The following CPM variants were observed in gnomAD, a reference collection of about 807,000 sequenced individuals.
CPM encodes the protein carboxypeptidase M, also known as renal carboxypeptidase.
In CPM, 35 loss-of-function variants were observed where a neutral mutation model predicts 46.4. That is an observed-to-expected ratio of 0.75 (90% CI 0.58 to 1.00). The LOEUF is 1.00. Ranked by LOEUF, CPM falls within the 50% of genes least tolerant of loss-of-function variation. The probability of loss-of-function intolerance (pLI) is 0.00; values close to 1 mark genes in which losing one functional copy is unlikely to be tolerated. For missense variants in CPM, 422 were observed against 530.4 expected, an observed-to-expected ratio of 0.80 and a Z score of 2.01; for synonymous variants, 195 against 195.3, an observed-to-expected ratio of 1.00 and a Z score of 0.01.
chr12:68,935,498 C>T (rs1342288605), upstream of CPM, among the ~76,000 whole-genome samples: 1 of 152,094 alleles, frequency 6.6e-6, no homozygotes, highest in Admixed American at 6.5e-5. Flanking sequence ...ACCATGTTGG[C>T]CAGGCTAGTC....
At chr12:68,916,906 A>AG (rs1251106781) in intron 2 of CPM, among the ~76,000 whole-genome samples, 2,361 of 142,268 alleles carry the variant, frequency 0.017, 47 homozygotes, top group African/African-American at 0.045. Flanking sequence ...AAAAAAAAAA[A>AG]AGAGAGAGAG....
chr12:68,951,678 G>A (rs1212321868), intron 1 of CPM, among the ~76,000 whole-genome samples: 1 of 152,208 alleles, frequency 6.6e-6, no homozygotes, highest in Non-Finnish European at 1.5e-5. Context: ...CCACCAGCGA[G>A]TGGGTCGTAT....
chr12:68,875,419 G>A (rs1158537856), intron 3 of CPM, among the ~76,000 whole-genome samples: 4 of 151,750 alleles, frequency 2.6e-5, no homozygotes, highest in Non-Finnish European at 5.9e-5. Flanking sequence ...CATAGTAAGG[G>A]GACATAAAAT....
chr12:68,958,292 A>G (rs1289740193), intron 1 of CPM, among the ~76,000 whole-genome samples: 2 of 152,182 alleles, frequency 1.3e-5, no homozygotes, highest in East Asian at 1.9e-4. Flanking sequence ...GGTTGAACTA[A>G]TTTACACTCC....
chr12:68,923,155 T>C (rs954074964), intron 2 of CPM, among the ~76,000 whole-genome samples: 15 of 56,772 alleles, frequency 2.6e-4, no homozygotes, highest in Non-Finnish European at 4.9e-4. Context: ...TGGTATTTGA[T>C]ATAGAGTGTG....
chr12:68,850,214 A>T (rs962613583), downstream of CPM: 2 of 147,678 alleles, frequency 1.4e-5, no homozygotes, highest in Non-Finnish European at 1.5e-5. Flanking sequence ...TGAACCTGGG[A>T]GGTGGAGGTT....
intron 7 of CPM, among the ~76,000 whole-genome samples, chr12:68,864,968 C>G (rs896683406): frequency 4.6e-5 from 7 of 152,152 alleles, no homozygotes; most frequent in African/African-American, 1.4e-4. Flanking sequence ...TGGGCAATGA[C>G]TGTGCCACTG....
At chr12:68,895,223 G>C (rs1316199101) in intron 2 of CPM, among the ~76,000 whole-genome samples, 1 of 152,000 alleles carries the variant, frequency 6.6e-6, no homozygotes, top group African/African-American at 2.4e-5. Context: ...GTGCCCTAAT[G>C]AACTCAGGCA....
chr12:68,914,757 T>A (rs562685216), intron 2 of CPM, among the ~76,000 whole-genome samples: 1 of 152,220 alleles, frequency 6.6e-6, no homozygotes, highest in African/African-American at 2.4e-5. Context: ...CTAGGTCACC[T>A]CCACAGAAGT....
intron 2 of CPM, among the ~76,000 whole-genome samples, chr12:68,916,829 A>G (rs11835437): frequency 0.016 from 2,360 of 149,880 alleles, 59 homozygotes; most frequent in African/African-American, 0.055. Flanking sequence ...CGGAGGTTGC[A>G]GTGAGCTGGG....
downstream of CPM, chr12:68,849,397 TTTTTG>T (rs1351323861): frequency 8.1e-6 from 1 of 123,702 alleles, no homozygotes; most frequent in Non-Finnish European, 1.8e-5. Flanking sequence ...GCCGTTTTTT[TTTTTG>T]TTGTTGTTGT....
intron 2 of CPM, among the ~76,000 whole-genome samples, chr12:68,931,526 C>T (rs1888499089): frequency 1.3e-5 from 2 of 151,850 alleles, no homozygotes; most frequent in Admixed American, 1.3e-4. Context: ...AGGAGGATCA[C>T]AAGGTCAGGA....
intron 2 of CPM, among the ~76,000 whole-genome samples, chr12:68,890,754 A>G (rs1886621267): frequency 6.6e-6 from 1 of 152,236 alleles, no homozygotes; most frequent in Admixed American, 6.5e-5. Flanking sequence ...AGGCCACCCC[A>G]CCGGGACATT....
intron 2 of CPM, among the ~76,000 whole-genome samples, chr12:68,909,750 C>G (rs1887503394): frequency 6.8e-6 from 1 of 147,054 alleles, no homozygotes; most frequent in South Asian, 2.2e-4. Flanking sequence ...AAATCAAACA[C>G]TGCATGTTCT....
intron 3 of CPM, among the ~76,000 whole-genome samples, chr12:68,876,879 T>C (rs1281421039): frequency 1.4e-5 from 2 of 146,238 alleles, no homozygotes; most frequent in Non-Finnish European, 3.0e-5. Context: ...TGTGTGTGTG[T>C]GTGCACGCGC....
At chr12:68,918,417 C>T (rs575769018) in intron 2 of CPM, among the ~76,000 whole-genome samples, 58 of 152,328 alleles carry the variant, frequency 3.8e-4, no homozygotes, top group South Asian at 1.7e-3. Context: ...CCACTGGATA[C>T]CTCCTGAGGA....
In CPM at chr12:68,932,698, C is replaced by T. The variant is rs765708241; in HGVS notation, c.140G>A (p.Ser47Asn). ...QNYSSVTHLH[S>N]IGKSVKGRNL... ...CCTACCTTTCACAGATTTCCCAATA[C>T]TGTGTAAGTGAGTGACAGAACTGTA... Residue 47 changes from serine (S) to asparagine (N), a missense_variant, in exon 2 of 9, where the codon AGT (serine) becomes AAT (asparagine). By Grantham distance (46) the Ser-to-Asn change is conservative. Coordinates refer to ENST00000551568, the MANE Select transcript of CPM (RefSeq NM_198320.5). 1 of 1,614,188 alleles carries T rather than the reference C, an allele frequency of 6.2e-7. No homozygotes were observed. Among genetic ancestry groups the T allele is most frequent in the South Asian group, 1.1e-5 (1 of 91,080 alleles).
At chr12:68,863,772 C>T (rs1885313042) in intron 7 of CPM, among the ~76,000 whole-genome samples, 1 of 152,160 alleles carries the variant, frequency 6.6e-6, no homozygotes, top group Non-Finnish European at 1.5e-5. Flanking sequence ...TCAGAGACTT[C>T]CAGATGGGTC....
At chr12:68,913,822 C>T (rs1170691770) in intron 2 of CPM, 1 of 631,626 alleles carries the variant, frequency 1.6e-6, no homozygotes, top group East Asian at 3.2e-5. Context: ...CATTTGTTTT[C>T]CAGAGTATGA....
Sources: allele counts gnomAD v4.1 joint callset (sites outside exome capture counted in the v4.1 genomes callset), GRCh38; gene constraint gnomAD v4.1.1; transcripts MANE v1.5; gene names NCBI Gene and HGNC (gene_info 2026-07-23, HGNC 2026-07-21).